The following GALK2 variants were observed in gnomAD, a reference collection of about 807,000 sequenced individuals.
GALK2 encodes the protein galactokinase 2, also known as N-acetylgalactosamine kinase.
GALK2 carries 36 observed loss-of-function variants against 52.4 expected under a neutral mutation model. The observed-to-expected ratio is 0.69, with a 90% CI of 0.53 to 0.91. GALK2 has a LOEUF of 0.91. Among genes scored for constraint, GALK2 ranks in the 40% least tolerant of loss-of-function variants. GALK2 has a pLI of 0.00. For synonymous variants in GALK2, 176 were observed against 199.1 expected (o/e 0.88, Z 0.98); for missense variants, 579 against 559.1 (o/e 1.04, Z -0.36).
rs548531474 is a variant in GALK2 at position 49,178,587 on chromosome 15, C to A, written c.53+8212C>A. On this transcript the variant is annotated intron_variant, in intron 1 of 9. Coordinates refer to ENST00000560031, the MANE Select transcript of GALK2 (RefSeq NM_002044.4). ...ACGTAAACTTGCTTGGCCTTGTAGC[C>A]CTGTCGGTGCACTTTTTTGGGCTGG... The A allele has an allele frequency of 1.3e-5, 3 of 231,604 alleles. No homozygotes were observed. The South Asian group carries it at 1.9e-4, about 14-fold the overall frequency. The allele number at this position is 231,604 out of a possible 1,614,324, so 14.3% of individuals were successfully genotyped here.
At chr15:49,170,131 G>C (rs1375734630), upstream of GALK2, 8 of 1,317,282 alleles carry the variant, frequency 6.1e-6, no homozygotes, top group Non-Finnish European at 8.0e-6. Flanking sequence ...AACCCTGGCT[G>C]AGTCCAGGGA....
chr15:49,218,962 A>C (rs1269858766), intron 3 of GALK2, among the ~76,000 whole-genome samples: 1 of 152,126 alleles, frequency 6.6e-6, no homozygotes, highest in Non-Finnish European at 1.5e-5. Flanking sequence ...AGTAGCTGGG[A>C]CTACAGGCAC....
intron 3 of GALK2, among the ~76,000 whole-genome samples, chr15:49,356,195 T>G (rs536834014): frequency 2.0e-5 from 3 of 150,470 alleles, no homozygotes; most frequent in African/African-American, 4.9e-5. Flanking sequence ...ACGAGCAAAA[T>G]AACCAGCTAA....
chr15:49,178,580 T>G, intron 1 of GALK2: 1 of 234,518 alleles, frequency 4.3e-6, no homozygotes, highest in Non-Finnish European at 8.8e-6. Context: ...TTGCTTGGCC[T>G]TGTAGCCCTG....
Position 49,329,786 on chromosome 15 carries a change from T to G in GALK2, c.*1627T>G. 1 of 945,390 alleles carries G rather than the reference T, an allele frequency of 1.1e-6. No individual in the cohort carries two copies. The highest frequency in any genetic ancestry group is 1.3e-6 in the Non-Finnish European group (1 of 795,432). 58.6% of individuals were successfully genotyped at this position (945,390 alleles called of 1,614,324 possible). A position where few individuals can be genotyped will look rare whatever the true frequency, so the allele number is the denominator to read the frequency against. On this transcript the variant is annotated 3_prime_UTR_variant, in exon 10 of 10. Coordinates refer to ENST00000560031, the MANE Select transcript of GALK2 (RefSeq NM_002044.4). ...GATTTGTGGTTGGTATATAATTCTT[T>G]AAAGATACCTGGATCAGTGTAAAAA... is the stretch of plus-strand genomic sequence containing the variant.
chr15:49,224,778 T>C (rs923862299), intron 3 of GALK2, among the ~76,000 whole-genome samples: 1 of 152,172 alleles, frequency 6.6e-6, no homozygotes, highest in East Asian at 1.9e-4. Context: ...ATAACTCCAA[T>C]TTTTTTCCTT....
Position 49,331,863 on chromosome 15 carries a change from A to G in GALK2, c.*3704A>G. ...TTTGCTTGGAGTCTAATCATGGAAT[A>G]AAGAAAATCAGTAACCAAACTAATT... On this transcript the variant is annotated 3_prime_UTR_variant, in exon 10 of 10. Transcript: ENST00000560031. 1.3e-6 allele frequency: 2 copies of G among 1,548,314 alleles called. No individual in the cohort carries two copies. The highest frequency in any genetic ancestry group is 4.5e-5 in the East Asian group (2 of 44,568).
At chr15:49,193,407 T>C (rs1368028652) in intron 1 of GALK2, among the ~76,000 whole-genome samples, 1 of 152,028 alleles carries the variant, frequency 6.6e-6, no homozygotes, top group African/African-American at 2.4e-5. Context: ...ATCTACAATA[T>C]ATGTTATTTT....
chr15:49,179,867 A>C (rs960186954), intron 1 of GALK2, among the ~76,000 whole-genome samples: 1 of 152,000 alleles, frequency 6.6e-6, no homozygotes, highest in African/African-American at 2.4e-5. Context: ...GCTCACCTAG[A>C]GGTAAAATAC....
At chr15:49,187,910 G>T (rs1351163561) in intron 1 of GALK2, among the ~76,000 whole-genome samples, 1 of 152,072 alleles carries the variant, frequency 6.6e-6, no homozygotes, top group Non-Finnish European at 1.5e-5. Context: ...GACCCCAGGA[G>T]TCCTTGGGTG....
intron 2 of GALK2, among the ~76,000 whole-genome samples, chr15:49,203,161 C>T (rs1246663818): frequency 6.6e-6 from 1 of 152,140 alleles, no homozygotes; most frequent in Non-Finnish European, 1.5e-5. Flanking sequence ...AGCAATTCTC[C>T]TGCCTCGGCC....
At position 49,328,062 on chromosome 15, in the gene GALK2, C is replaced by CTTAT; in HGVS notation, c.1282_1285dup (p.Tyr429LeufsTer6). 1 of 1,614,034 alleles carries CTTAT rather than the reference C, an allele frequency of 6.2e-7. No homozygotes were observed. The highest frequency in any genetic ancestry group is 8.5e-7 in the Non-Finnish European group (1 of 1,179,968). Reference sequence around the variant, plus strand: ...AGCTTTCTAGCAAATGTGCACAAAGCTTATTACCAGAGGAGTGATGGAAGC... The same window carrying CTTAT: ...AGCTTTCTAGCAAATGTGCACAAAGCTTATTTATTACCAGAGGAGTGATGGAAGC... On this transcript the variant is annotated frameshift_variant, in exon 10 of 10. Transcript: ENST00000560031. LOFTEE classifies it high-confidence loss of function.
chr15:49,181,032 C>CTTCT (rs2085921396), intron 1 of GALK2, among the ~76,000 whole-genome samples: 1 of 126,180 alleles, frequency 7.9e-6, no homozygotes, highest in Non-Finnish European at 1.8e-5. Context: ...TCCTTCCTTC[C>CTTCT]TTCCTTCCTT....
chr15:49,178,193 T>A (rs1445477124), intron 1 of GALK2, among the ~76,000 whole-genome samples: 58 of 36,396 alleles, frequency 1.6e-3, no homozygotes, highest in African/African-American at 2.0e-3. Flanking sequence ...AAAAAAGAAA[T>A]ACTATATATA....
At chr15:49,364,145 A>G (rs1413113073) in intron 3 of GALK2, among the ~76,000 whole-genome samples, 1 of 152,188 alleles carries the variant, frequency 6.6e-6, no homozygotes, top group African/African-American at 2.4e-5. Context: ...GTTAGGAAAG[A>G]GTCCCTCCTC....
chr15:49,198,181 T>C (rs1198191979), intron 1 of GALK2, among the ~76,000 whole-genome samples: 1 of 152,180 alleles, frequency 6.6e-6, no homozygotes, highest in Non-Finnish European at 1.5e-5. Flanking sequence ...TTCTTTTTTG[T>C]TGTTGTTGTT....
At chr15:49,193,278 G>A (rs867553962) in intron 1 of GALK2, among the ~76,000 whole-genome samples, 4 of 151,892 alleles carry the variant, frequency 2.6e-5, no homozygotes, top group Middle Eastern at 3.4e-3. Flanking sequence ...GATTACAGGC[G>A]TGAGCCACCA....
At chr15:49,215,632 C>A (rs2089306466) in intron 2 of GALK2, among the ~76,000 whole-genome samples, 2 of 152,204 alleles carry the variant, frequency 1.3e-5, no homozygotes, top group Non-Finnish European at 2.9e-5. Flanking sequence ...TAATGAATTT[C>A]TTCCCTGTGT....
Position 49,328,482 on chromosome 15 carries a change from A to T in GALK2, c.*323A>T. On this transcript the variant is annotated 3_prime_UTR_variant, in exon 10 of 10. Coordinates refer to ENST00000560031, the MANE Select transcript of GALK2 (RefSeq NM_002044.4). ...TCTTAATACTGATTACATGGATTGG[A>T]CTTGAATTAAATATATTGTTACAAT... 1 of 1,554,198 alleles carries T rather than the reference A, an allele frequency of 6.4e-7. No individual in the cohort carries two copies. Among genetic ancestry groups the T allele is most frequent in the Non-Finnish European group, 8.7e-7 (1 of 1,148,420 alleles).
Sources: gnomAD v4.1 joint callset for allele counts (sites outside exome capture counted in the v4.1 genomes callset) on GRCh38, gnomAD v4.1.1 for gene constraint, MANE v1.5 for transcripts, NCBI Gene and HGNC (gene_info 2026-07-23, HGNC 2026-07-21) for gene names.